The following MTHFD1 variants were observed in gnomAD, a reference collection of about 807,000 sequenced individuals.
The protein encoded by MTHFD1 is C-1-tetrahydrofolate synthase, cytoplasmic.
In MTHFD1, 44 loss-of-function variants were observed where a neutral mutation model predicts 110.3. The observed-to-expected ratio is 0.40, with a 90% confidence interval of 0.31 to 0.51. The LOEUF (loss-of-function observed/expected upper bound fraction) is 0.51. MTHFD1 is among the 20% of genes least tolerant of loss of function. The pLI is 0.60. For missense variants in MTHFD1, 909 were observed against 1,173.1 expected, an observed-to-expected ratio of 0.77 and a Z score of 3.29; for synonymous variants, 402 against 428.8, an observed-to-expected ratio of 0.94 and a Z score of 0.77.
intron 2 of MTHFD1, among the ~76,000 whole-genome samples, chr14:64,403,592 A>AG (rs1353086605): frequency 4.2e-5 from 3 of 70,966 alleles, no homozygotes; most frequent in Non-Finnish European, 7.5e-5. Context: ...TTTTTTGTAG[A>AG]GTTTTTTTTT....
In MTHFD1 at chr14:64,454,885, T is replaced by C; in HGVS notation, c.2718+10T>C. 14 of 1,614,022 alleles carry C rather than the reference T, an allele frequency of 8.7e-6. No individual in the cohort carries two copies. The highest frequency in any genetic ancestry group is 1.2e-5 in the Non-Finnish European group (14 of 1,179,874). ...CCCCTTAGTAGGAACGGTAAGTGCA[T>C]GCTGCAAGGGAGTAGTGGGCGCATC... On this transcript the variant is annotated intron_variant, in intron 26 of 27. Coordinates refer to ENST00000652337, the MANE Select transcript of MTHFD1 (RefSeq NM_005956.4).
At chr14:64,408,755 A>C (rs2077959021) in intron 2 of MTHFD1, among the ~76,000 whole-genome samples, 1 of 152,188 alleles carries the variant, frequency 6.6e-6, no homozygotes, top group Non-Finnish European at 1.5e-5. Flanking sequence ...GTTTGAGACC[A>C]GCCTGGGCAA....
At chr14:64,402,120 A>G (rs552293755) in intron 2 of MTHFD1, among the ~76,000 whole-genome samples, 11 of 152,360 alleles carry the variant, frequency 7.2e-5, no homozygotes, top group African/African-American at 2.2e-4. Flanking sequence ...CTGAAACTCT[A>G]TCAGTGAACT....
Position 64,449,569 on chromosome 14 carries a change from G to A in MTHFD1, c.2404G>A (p.Val802Ile), listed in dbSNP as rs771687911. 4.1e-5 allele frequency: 66 copies of A among 1,614,190 alleles called. 2 individuals carry two copies. In the Middle Eastern group the frequency reaches 3.0e-3, roughly 73 times the overall value. Residue 802 changes from valine (V) to isoleucine (I), a missense_variant, in exon 24 of 28, where the codon GTC (valine) becomes ATC (isoleucine). Val to Ile is a conservative substitution (Grantham distance 29). Around this residue, in one of 3 missense-constraint regions of MTHFD1, gnomAD observed 482 missense variants for 646.0 expected, o/e 0.75. Transcript: ENST00000652337. ...GGGTGCCTTAGCCCTGGCTCAGGCC[G>A]TCCAGAGAGCAGCACAAGCACCCAG... Reference protein sequence around the residue: ...GKGALALAQAVQRAAQAPSSF... With the variant: ...GKGALALAQAIQRAAQAPSSF...
At position 64,425,721 on chromosome 14, in the gene MTHFD1, T is replaced by C. The variant is rs771498536; in HGVS notation, c.856-9T>C. On this transcript the variant is annotated splice_polypyrimidine_tract_variant and intron_variant, in intron 9 of 27. Coordinates refer to ENST00000652337, the MANE Select transcript of MTHFD1 (RefSeq NM_005956.4). ...CTCTTCTAAGTTTCATTTATTTCATTTTGCTTAGAGCACAGTAGAGAGTGC... is the reference window on the plus strand; with the variant it reads ...CTCTTCTAAGTTTCATTTATTTCATCTTGCTTAGAGCACAGTAGAGAGTGC... 2 of 1,609,400 alleles carry C rather than the reference T, an allele frequency of 1.2e-6. No individual in the cohort carries two copies. Among genetic ancestry groups the C allele is most frequent in the Non-Finnish European group, 1.7e-6 (2 of 1,177,318 alleles).
At chr14:64,413,571 G>A (rs1023720964) in intron 4 of MTHFD1, among the ~76,000 whole-genome samples, 2 of 152,192 alleles carry the variant, frequency 1.3e-5, no homozygotes, top group East Asian at 1.9e-4. Flanking sequence ...GCGCTGTCCA[G>A]TATGGGAGCC....
chr14:64,458,156 T>C (rs951239151), intron 26 of MTHFD1, 58 bp from the exon 27 acceptor site: 4 of 1,341,242 alleles, frequency 3.0e-6, no homozygotes, highest in South Asian at 2.3e-5. Context: ...CCTGGGATTA[T>C]AGGCGTGAGC....
chr14:64,443,990 G>A (rs1371502172), intron 21 of MTHFD1, among the ~76,000 whole-genome samples: 1 of 152,046 alleles, frequency 6.6e-6, no homozygotes, highest in Non-Finnish European at 1.5e-5. Context: ...ATGGAAGAGG[G>A]CAGAGCTTCT....
chr14:64,392,378 A>C (rs972381619), intron 1 of MTHFD1, among the ~76,000 whole-genome samples: 2 of 152,170 alleles, frequency 1.3e-5, no homozygotes, highest in African/African-American at 4.8e-5. Context: ...AAGAAAGCAT[A>C]GTTGTTCTAT....
chr14:64,395,824 A>G (rs2077844014), intron 1 of MTHFD1, among the ~76,000 whole-genome samples: 1 of 152,210 alleles, frequency 6.6e-6, no homozygotes, highest in South Asian at 2.1e-4. Flanking sequence ...GCTGAGATCG[A>G]AAAACCCTGA....
chr14:64,449,849 C>T (rs1470023250), intron 24 of MTHFD1, among the ~76,000 whole-genome samples: 1 of 152,320 alleles, frequency 6.6e-6, no homozygotes, highest in East Asian at 1.9e-4. Context: ...AGTGCAGAGG[C>T]ATGATCTCAG....
intron 1 of MTHFD1, chr14:64,390,251 T>C (rs1448238938): frequency 6.6e-6 from 1 of 152,218 alleles, no homozygotes; most frequent in African/African-American, 2.4e-5. Context: ...ACATAATAAG[T>C]ATTCGATATA....
intron 1 of MTHFD1, among the ~76,000 whole-genome samples, chr14:64,391,255 C>A (rs2077802096): frequency 6.6e-6 from 1 of 152,166 alleles, no homozygotes; most frequent in African/African-American, 2.4e-5. Flanking sequence ...ACCTCCACTT[C>A]CTGGGTTCAA....
chr14:64,400,414 G>A (rs1046473414), intron 1 of MTHFD1, among the ~76,000 whole-genome samples: 1 of 152,042 alleles, frequency 6.6e-6, no homozygotes, highest in African/African-American at 2.4e-5. Context: ...TACAGGCCGG[G>A]TGCAGTGGCT....
intron 13 of MTHFD1, among the ~76,000 whole-genome samples, chr14:64,430,723 G>A (rs755140557): frequency 1.1e-4 from 17 of 152,188 alleles, no homozygotes; most frequent in Non-Finnish European, 1.8e-4. Flanking sequence ...GCAGACTTGT[G>A]ATACAGCTTG....
At chr14:64,443,524 A>C (rs907232288) in intron 21 of MTHFD1, among the ~76,000 whole-genome samples, 6 of 152,162 alleles carry the variant, frequency 3.9e-5, no homozygotes, top group Non-Finnish European at 7.3e-5. Context: ...ATGTTACAGA[A>C]TCTTATGGAA....
intron 1 of MTHFD1, among the ~76,000 whole-genome samples, chr14:64,393,382 G>A (rs1456312766): frequency 6.6e-6 from 1 of 151,962 alleles, no homozygotes; most frequent in Non-Finnish European, 1.5e-5. Flanking sequence ...ACTCCAGCCT[G>A]GGCAACAAGA....
At chr14:64,439,884 ACT>A (rs1164604225) in intron 17 of MTHFD1, among the ~76,000 whole-genome samples, 2 of 129,488 alleles carry the variant, frequency 1.5e-5, no homozygotes, top group East Asian at 4.5e-4. Context: ...ACAGACCGAG[ACT>A]CTGTCTCCAA....
chr14:64,441,288 TG>T, intron 18 of MTHFD1, 96 bp from the exon 19 acceptor site: 1 of 1,130,418 alleles, frequency 8.8e-7, no homozygotes, highest in Non-Finnish European at 1.4e-6. Context: ...TGGTCCAAGA[TG>T]GCTAACATGG....
Sources: allele counts gnomAD v4.1 joint callset (sites outside exome capture counted in the v4.1 genomes callset), GRCh38; gene constraint gnomAD v4.1.1; regional missense constraint gnomAD v4.1.1; transcripts MANE v1.5; gene names NCBI Gene and HGNC (gene_info 2026-07-23, HGNC 2026-07-21).